The following ERC2 variants were observed in gnomAD, a reference collection of about 807,000 sequenced individuals.
The protein encoded by ERC2 is ERC protein 2.
A neutral mutation model predicts 114.8 loss-of-function variants in ERC2; 42 were observed. That is an observed-to-expected ratio of 0.37 (90% CI 0.29 to 0.47). The LOEUF is 0.47. Ranked by LOEUF, ERC2 falls within the 20% of genes least tolerant of loss-of-function variation. The pLI, the probability that ERC2 is intolerant of heterozygous loss-of-function variation, is 0.99. For synonymous variants in ERC2, 454 were observed against 425.5 expected (o/e 1.07, Z -0.82); for missense variants, 939 against 1,150.7 (o/e 0.82, Z 2.66).
chr3:56,146,640 G>A (rs1056192112), intron 5 of ERC2, among the ~76,000 whole-genome samples: 1 of 152,084 alleles, frequency 6.6e-6, no homozygotes, highest in African/African-American at 2.4e-5. Context: ...CTACACTATT[G>A]CATTTTAATC....
intron 14 of ERC2, among the ~76,000 whole-genome samples, chr3:55,851,945 G>A (rs924587983): frequency 3.3e-5 from 5 of 152,318 alleles, no homozygotes; most frequent in African/African-American, 1.2e-4. Context: ...AAAACAGGCC[G>A]GGTACAGCGG....
intron 4 of ERC2, among the ~76,000 whole-genome samples, chr3:56,151,130 C>G (rs1434933210): frequency 6.6e-6 from 1 of 152,128 alleles, no homozygotes; most frequent in Non-Finnish European, 1.5e-5. Flanking sequence ...GTCTATAGTA[C>G]TTTGCTAAGT....
chr3:55,926,156 C>G (rs2065734870), intron 13 of ERC2, among the ~76,000 whole-genome samples: 1 of 151,998 alleles, frequency 6.6e-6, no homozygotes, highest in African/African-American at 2.4e-5. Context: ...AAATAGATGT[C>G]AAATGATTAT....
chr3:55,565,347 T>A (rs777178269), intron 17 of ERC2, among the ~76,000 whole-genome samples: 11 of 152,162 alleles, frequency 7.2e-5, no homozygotes, highest in Non-Finnish European at 1.5e-4. Context: ...ATAGCTGTAT[T>A]CAGAAAAGCT....
At chr3:55,531,642 G>A (rs199960219) in intron 17 of ERC2, among the ~76,000 whole-genome samples, 4 of 152,132 alleles carry the variant, frequency 2.6e-5, no homozygotes, top group East Asian at 1.9e-4. Context: ...AGATACTCAC[G>A]ATCTCATCAG....
At chr3:55,784,513 T>G (rs1575591636) in intron 14 of ERC2, among the ~76,000 whole-genome samples, 1 of 152,338 alleles carries the variant, frequency 6.6e-6, no homozygotes, top group Non-Finnish European at 1.5e-5. Context: ...GTTGAAATTC[T>G]TTATAGGAGC....
At chr3:55,897,570 G>C (rs1381798232) in intron 13 of ERC2, among the ~76,000 whole-genome samples, 1 of 152,140 alleles carries the variant, frequency 6.6e-6, no homozygotes, top group African/African-American at 2.4e-5. Flanking sequence ...ATGTGAATTG[G>C]TCCTGTGGGA....
intron 2 of ERC2, among the ~76,000 whole-genome samples, chr3:56,375,536 C>T (rs1203095910): frequency 6.6e-6 from 1 of 152,178 alleles, no homozygotes; most frequent in Non-Finnish European, 1.5e-5. Context: ...GTCAACAAGA[C>T]AGGCATGGTT....
At chr3:56,273,879 C>T (rs2053822603) in intron 3 of ERC2, among the ~76,000 whole-genome samples, 2 of 152,206 alleles carry the variant, frequency 1.3e-5, no homozygotes, top group East Asian at 3.8e-4. Context: ...AATCCATGAT[C>T]TCCATGATAA....
At chr3:56,386,216 CAAGA>C (rs2106784099) in intron 2 of ERC2, among the ~76,000 whole-genome samples, 1 of 152,216 alleles carries the variant, frequency 6.6e-6, no homozygotes, top group African/African-American at 2.4e-5. Flanking sequence ...AGGACAAAGT[CAAGA>C]AAGACTCAAA....
At chr3:56,438,640 T>C (rs1401586881) in intron 1 of ERC2, among the ~76,000 whole-genome samples, 7 of 152,242 alleles carry the variant, frequency 4.6e-5, no homozygotes, top group Admixed American at 4.6e-4. Flanking sequence ...TCTAGATGTC[T>C]GGGTTCTAAC....
chr3:55,902,832 T>C (rs1418059995), intron 13 of ERC2, among the ~76,000 whole-genome samples: 1 of 152,178 alleles, frequency 6.6e-6, no homozygotes. Context: ...CCCTAGCCCC[T>C]GCCAGGGGCT....
chr3:55,723,678 T>G (rs923536197), intron 15 of ERC2, among the ~76,000 whole-genome samples: 2 of 152,190 alleles, frequency 1.3e-5, no homozygotes, highest in Admixed American at 6.5e-5. Flanking sequence ...GAAAAATCCT[T>G]TTCCTTAATT....
chr3:55,952,165 AC>A (rs2067580917), intron 12 of ERC2, among the ~76,000 whole-genome samples: 3 of 85,922 alleles, frequency 3.5e-5, no homozygotes, highest in Non-Finnish European at 7.1e-5. Context: ...ACACACACAC[AC>A]ACACACACAC....
chr3:55,600,837 T>C (rs936549498), intron 17 of ERC2, among the ~76,000 whole-genome samples: 5 of 152,234 alleles, frequency 3.3e-5, no homozygotes, highest in African/African-American at 1.2e-4. Context: ...CCTAATGCAG[T>C]GCCTGGGCAA....
chr3:56,195,275 A>T (rs1307625589), intron 3 of ERC2, among the ~76,000 whole-genome samples: 2 of 152,158 alleles, frequency 1.3e-5, no homozygotes, highest in African/African-American at 4.8e-5. Context: ...GGGAAGATTC[A>T]CGTCTTAGGT....
chr3:56,080,861 T>C lies in ERC2; in HGVS notation c.1597A>G (p.Met533Val). The change falls in exon 7 of 18, where the codon ATG becomes GTG. Residue 533 changes from methionine (M) to valine (V), a missense_variant. Transcript: ENST00000288221. ...LAGEIRDMKD[M>V]LEVKERKINV... The stretch of plus-strand genomic sequence containing the variant: ...ATTTTTCTTTCCTTCACTTCTAACA[T>C]ATCTTTCATGTCACGAATTTCACCG... 6.2e-7 allele frequency: 1 copy of C among 1,613,814 alleles called. No individual in the cohort carries two copies. Among genetic ancestry groups the C allele is most frequent in the Non-Finnish European group, 8.5e-7 (1 of 1,179,758 alleles).
intron 3 of ERC2, among the ~76,000 whole-genome samples, chr3:56,278,008 A>G (rs60900173): frequency 0.35 from 53,308 of 151,950 alleles, 10,235 homozygotes; most frequent in Middle Eastern, 0.45. Context: ...CTGTGACTCC[A>G]TTGCTTCATT....
chr3:56,216,034 A>G (rs9840521), intron 3 of ERC2, among the ~76,000 whole-genome samples: 122,077 of 152,092 alleles, frequency 0.8, 50,905 homozygotes, highest in South Asian at 0.95. Context: ...GCCCACAAGA[A>G]AAAGCAGGAA....
Sources: gnomAD v4.1 joint callset for allele counts (sites outside exome capture counted in the v4.1 genomes callset) on GRCh38, gnomAD v4.1.1 for gene constraint, MANE v1.5 for transcripts, NCBI Gene and HGNC (gene_info 2026-07-23, HGNC 2026-07-21) for gene names.